Variants in MPDZ observed in about 807,000 individuals in gnomAD.
The protein encoded by MPDZ is multiple PDZ domain crumbs cell polarity complex component, also known as multiple PDZ domain protein.
MPDZ carries 234 observed loss-of-function variants against 239.1 expected under a neutral mutation model. The ratio of observed to expected loss-of-function variants is 0.98; its 90% CI spans 0.88 to 1.09. MPDZ has a LOEUF of 1.09. Ranked by LOEUF, MPDZ falls within the 50% of genes least tolerant of loss-of-function variation. The probability of loss-of-function intolerance (pLI) is 0.00; values close to 1 mark genes in which losing one functional copy is unlikely to be tolerated. For synonymous variants in MPDZ, 1,048 were observed against 881.3 expected, an observed-to-expected ratio of 1.19 and a Z score of -3.35; for missense variants, 3,175 against 2,510.0, an observed-to-expected ratio of 1.26 and a Z score of -5.66.
intron 15 of MPDZ, among the ~76,000 whole-genome samples, chr9:13,191,348 T>A (rs1165489874): frequency 6.6e-6 from 1 of 152,174 alleles, no homozygotes; most frequent in African/African-American, 2.4e-5. Flanking sequence ...CCTAACATCA[T>A]CTCTCAATAT....
intron 3 of MPDZ, among the ~76,000 whole-genome samples, chr9:13,243,445 AG>A (rs1301132800): frequency 6.6e-6 from 1 of 151,472 alleles, no homozygotes; most frequent in Admixed American, 6.6e-5. Flanking sequence ...TGGTATATCT[AG>A]TTATGTGACT....
At chr9:13,175,239 G>C (rs1367579525) in intron 21 of MPDZ, among the ~76,000 whole-genome samples, 2 of 151,930 alleles carry the variant, frequency 1.3e-5, no homozygotes, top group Admixed American at 1.3e-4. Context: ...GGTTAAAATA[G>C]GACAAAAAAA....
chr9:13,121,344 G>T (rs944649110), intron 38 of MPDZ, among the ~76,000 whole-genome samples: 2 of 151,994 alleles, frequency 1.3e-5, no homozygotes, highest in African/African-American at 4.8e-5. Flanking sequence ...GCTACCATGG[G>T]TCCCCCACAA....
intron 22 of MPDZ, among the ~76,000 whole-genome samples, chr9:13,165,058 T>C (rs1476251708): frequency 5.3e-5 from 8 of 152,154 alleles, no homozygotes; most frequent in African/African-American, 1.9e-4. Flanking sequence ...ATATGGCTAT[T>C]AATGCAGAGA....
intron 24 of MPDZ, among the ~76,000 whole-genome samples, chr9:13,154,425 C>G (rs570996220): frequency 2.7e-4 from 41 of 152,146 alleles, no homozygotes; most frequent in Non-Finnish European, 4.4e-5. Flanking sequence ...TGAGGCCAGA[C>G]TGCCTGAGCT....
chr9:13,244,948 G>A (rs1966257504), intron 3 of MPDZ, among the ~76,000 whole-genome samples: 1 of 151,952 alleles, frequency 6.6e-6, no homozygotes, highest in Non-Finnish European at 1.5e-5. Context: ...AGAATCAGAG[G>A]GTCGTATTTT....
chr9:13,114,553 T>C (rs1180343683), intron 40 of MPDZ, among the ~76,000 whole-genome samples: 4 of 152,194 alleles, frequency 2.6e-5, no homozygotes, highest in African/African-American at 9.7e-5. Flanking sequence ...AGTTCACTTA[T>C]ATGGGACTTT....
chr9:13,179,434 A>C (rs773639575), intron 19 of MPDZ, among the ~76,000 whole-genome samples: 1 of 152,178 alleles, frequency 6.6e-6, no homozygotes, highest in African/African-American at 2.4e-5. Flanking sequence ...TGTAAATGGT[A>C]TAACAGTCCC....
rs1048295328 is a variant in MPDZ, at chr9:13,169,478, A to G, written c.3056-914T>C. 2.0e-5 allele frequency among the ~76,000 whole-genome samples: 3 copies of G among 152,088 alleles called. No homozygotes were observed. The East Asian group carries it at 5.8e-4, about 29-fold the overall frequency. On this transcript the variant is annotated intron_variant, in intron 21 of 46. Coordinates refer to ENST00000319217, the MANE Select transcript of MPDZ (RefSeq NM_001378778.1). ...TCCAACACCAAATCCTGTCATTTCT[A>G]TCTTCAAAATTTATCTTGAATCCAT...
chr9:13,115,152 G>A, intron 40 of MPDZ, 96 bp downstream of exon 40: 1 of 1,013,832 alleles, frequency 9.9e-7, no homozygotes, highest in Non-Finnish European at 1.5e-6. Context: ...CGCTGCCAGG[G>A]GACCAGACCT....
In MPDZ at chr9:13,150,531, G is replaced by A. The variant is rs746294276; in HGVS notation, c.3610C>T (p.Pro1204Ser). 3 of 1,569,394 alleles carry A rather than the reference G, an allele frequency of 1.9e-6. No individual in the cohort carries two copies. Among genetic ancestry groups the A allele is most frequent in the Admixed American group, 1.7e-5 (1 of 57,238 alleles). ...GGTACCTCTACGATTCTATCTCCAG[G>A]TTTCAAGGTTCCATTTTTGCCAGCT... is the stretch of plus-strand genomic sequence containing the variant. ...SPAGKNGTLK[P>S]GDRIVEVDGM... The change falls in exon 25 of 47, where the codon CCT becomes TCT. Residue 1204 changes from proline (P) to serine (S), a missense_variant. By Grantham distance (74) the Pro-to-Ser change is moderately conservative. Transcript: ENST00000319217.
In MPDZ at chr9:13,137,082, A is replaced by C. The variant is rs187918812; in HGVS notation, c.4201-279T>G. Among the ~76,000 whole-genome samples the C allele has an allele frequency of 1.9e-3, 292 of 152,274 alleles. 3 individuals carry two copies. The highest frequency in any genetic ancestry group is 6.6e-3 in the African/African-American group (276 of 41,556). Reference sequence around the variant, plus strand: ...TGGACCAACTGCAGGAGAGTAGACAACAAATTTCCTGGCAGGCACTGGGCT... The same window carrying C: ...TGGACCAACTGCAGGAGAGTAGACACCAAATTTCCTGGCAGGCACTGGGCT... On this transcript the variant is annotated intron_variant, in intron 29 of 46. Coordinates refer to ENST00000319217, the MANE Select transcript of MPDZ (RefSeq NM_001378778.1).
intron 30 of MPDZ, 61 bp downstream of exon 30, chr9:13,136,651 G>T: frequency 2.8e-6 from 3 of 1,084,720 alleles, no homozygotes; most frequent in Admixed American, 2.1e-5. Flanking sequence ...TCATTCAAAA[G>T]AACTCAGAGA....
At chr9:13,176,667 A>G (rs1052420814) in intron 19 of MPDZ, among the ~76,000 whole-genome samples, 1 of 151,998 alleles carries the variant, frequency 6.6e-6, no homozygotes, top group African/African-American at 2.4e-5. Context: ...TTATACTTGT[A>G]CAAGATACTG....
chr9:13,158,143 A>C, intron 23 of MPDZ, 33 bp from the exon 24 acceptor site: 1 of 1,549,384 alleles, frequency 6.5e-7, no homozygotes, highest in Non-Finnish European at 8.9e-7. Flanking sequence ...AGTACCCCAA[A>C]ATCCTAGTAA....
intron 28 of MPDZ, among the ~76,000 whole-genome samples, chr9:13,138,390 T>C (rs1221899676): frequency 6.6e-6 from 1 of 152,146 alleles, no homozygotes; most frequent in Non-Finnish European, 1.5e-5. Context: ...GTCTGATTAA[T>C]CAGTTCACCT....
chr9:13,186,690 T>G (rs1366668346), intron 17 of MPDZ, among the ~76,000 whole-genome samples: 1 of 152,134 alleles, frequency 6.6e-6, no homozygotes, highest in African/African-American at 2.4e-5. Context: ...GAATTTTTTT[T>G]TTAATATTCT....
chr9:13,149,510 C>T (rs888737928), intron 25 of MPDZ, among the ~76,000 whole-genome samples: 1 of 151,958 alleles, frequency 6.6e-6, no homozygotes, highest in African/African-American at 2.4e-5. Flanking sequence ...GTCAGGTACT[C>T]CTTTCTCTAT....
At chr9:13,225,464 C>T (rs140849885) in intron 3 of MPDZ, among the ~76,000 whole-genome samples, 1,733 of 151,906 alleles carry the variant, frequency 0.011, 36 homozygotes, top group African/African-American at 0.04. Context: ...ACAGTAATGT[C>T]GTAGGCCTTC....
Sources: allele counts gnomAD v4.1 joint callset (sites outside exome capture counted in the v4.1 genomes callset), GRCh38; gene constraint gnomAD v4.1.1; transcripts MANE v1.5; gene names NCBI Gene and HGNC (gene_info 2026-07-23, HGNC 2026-07-21).